Variants in SYT1 observed in about 807,000 individuals in gnomAD.
SYT1 encodes the protein synaptotagmin 1.
In SYT1, 8 loss-of-function variants were observed where a neutral mutation model predicts 44.8. That is an observed-to-expected ratio of 0.18 (90% CI 0.10 to 0.32). SYT1 has a LOEUF of 0.32. Ranked by LOEUF, SYT1 falls within the 10% of genes least tolerant of loss-of-function variation. The probability of loss-of-function intolerance (pLI) is 1.00; values close to 1 mark genes in which losing one functional copy is unlikely to be tolerated. For synonymous variants in SYT1, 154 were observed against 188.8 expected (o/e 0.82, Z 1.51); for missense variants, 286 against 509.3 (o/e 0.56, Z 4.22).
intron 1 of SYT1, among the ~76,000 whole-genome samples, chr12:78,865,392 A>C (rs924453421): frequency 1.3e-5 from 2 of 150,072 alleles, no homozygotes; most frequent in Non-Finnish European, 1.5e-5. Context: ...TCCGTCCCCC[A>C]CCCCCAATCT....
chr12:78,885,355 C>T (rs1036480454), intron 1 of SYT1, among the ~76,000 whole-genome samples: 25 of 57,226 alleles, frequency 4.4e-4, no homozygotes, highest in Non-Finnish European at 6.6e-4. Flanking sequence ...AAGGAAGGAA[C>T]GAAGGAAGGA....
In SYT1 at chr12:79,245,880, C is replaced by CT. The variant is rs973779565; in HGVS notation, c.166+28206dup. Among the ~76,000 whole-genome samples the CT allele has an allele frequency of 1.9e-3, 279 of 146,338 alleles. 1 individual carries two copies. The highest frequency in any genetic ancestry group is 2.6e-3 in the Non-Finnish European group (172 of 66,164). On this transcript the variant is annotated intron_variant, in intron 4 of 10. Transcript: ENST00000261205. ...AAGAATATATAACAGTAGACTAACA[C>CT]TTTTTTTTTTTCAGGAAAGGGAACC...
At chr12:78,928,115 A>G (rs1877406339) in intron 1 of SYT1, among the ~76,000 whole-genome samples, 2 of 152,170 alleles carry the variant, frequency 1.3e-5, no homozygotes, top group African/African-American at 2.4e-5. Flanking sequence ...AAAAGTTTTG[A>G]GTATTTTTCC....
intron 1 of SYT1, among the ~76,000 whole-genome samples, chr12:78,900,801 T>C (rs1285851281): frequency 1.3e-5 from 2 of 152,150 alleles, no homozygotes; most frequent in Non-Finnish European, 2.9e-5. Flanking sequence ...AGCTGTTCTA[T>C]ACTTTTTATA....
At chr12:79,132,674 CAAAAAAA>C (rs71091641) in intron 3 of SYT1, among the ~76,000 whole-genome samples, 66 of 43,740 alleles carry the variant, frequency 1.5e-3, no homozygotes, top group Middle Eastern at 0.024. Context: ...GGAGTTTTCT[CAAAAAAA>C]AAAAAAAAAA....
chr12:79,047,695 C>T (rs1384544172), intron 3 of SYT1, among the ~76,000 whole-genome samples: 1 of 151,696 alleles, frequency 6.6e-6, no homozygotes, highest in Non-Finnish European at 1.5e-5. Flanking sequence ...CTCATTTTCT[C>T]CATATGTGAT....
rs181810237 is a variant in SYT1 at position 79,241,233 on chromosome 12, G to A, written c.166+23548G>A. Among the ~76,000 whole-genome samples the A allele has an allele frequency of 8.7e-4, 131 of 150,668 alleles. 2 individuals are homozygous for A. The highest frequency in any genetic ancestry group is 1.6e-3 in the Non-Finnish European group (110 of 67,796). ...CTGAGATTCTAGAAAAAAGCGATTC[G>A]TTTACTGAGGAATGATTTGCACTGG... On this transcript the variant is annotated intron_variant, in intron 4 of 10. Transcript: ENST00000261205.
intron 3 of SYT1, among the ~76,000 whole-genome samples, chr12:79,111,138 T>C (rs570939565): frequency 2.6e-5 from 4 of 152,150 alleles, no homozygotes; most frequent in Admixed American, 2.6e-4. Flanking sequence ...CTAGCTACAA[T>C]GAAAGGAGAA....
At chr12:79,406,033 G>C (rs560665509) in intron 9 of SYT1, among the ~76,000 whole-genome samples, 13 of 152,204 alleles carry the variant, frequency 8.5e-5, no homozygotes, top group African/African-American at 3.1e-4. Context: ...TGACAGGAAA[G>C]TAATGGTTTA....
At chr12:79,145,378 T>C (rs1448392635) in intron 3 of SYT1, among the ~76,000 whole-genome samples, 1 of 152,158 alleles carries the variant, frequency 6.6e-6, no homozygotes, top group Non-Finnish European at 1.5e-5. Context: ...ATTTTAAAGA[T>C]CATAATCTTC....
At chr12:78,937,385 AG>A (rs1176707184) in intron 1 of SYT1, among the ~76,000 whole-genome samples, 1 of 152,140 alleles carries the variant, frequency 6.6e-6, no homozygotes, top group Non-Finnish European at 1.5e-5. Context: ...CTATAAGTTG[AG>A]TAGAAATTAA....
chr12:78,873,795 C>G (rs977442162), intron 1 of SYT1, among the ~76,000 whole-genome samples: 14 of 151,570 alleles, frequency 9.2e-5, no homozygotes, highest in African/African-American at 3.1e-4. Context: ...ACATTCTGCT[C>G]TAAGTGAACA....
chr12:79,420,311 C>T (rs1349150599), intron 9 of SYT1, among the ~76,000 whole-genome samples: 1 of 152,118 alleles, frequency 6.6e-6, no homozygotes, highest in Non-Finnish European at 1.5e-5. Flanking sequence ...TTTAAATGTT[C>T]AGCCAATTTT....
At chr12:78,960,876 T>C (rs1407398388) in intron 1 of SYT1, among the ~76,000 whole-genome samples, 1 of 152,194 alleles carries the variant, frequency 6.6e-6, no homozygotes, top group Non-Finnish European at 1.5e-5. Context: ...TGTGTTCACA[T>C]GTTAGCACTT....
chr12:79,448,888 G>T, intron 10 of SYT1, 30 bp from the exon 11 acceptor site: 1 of 1,607,544 alleles, frequency 6.2e-7, no homozygotes, highest in South Asian at 1.1e-5. Flanking sequence ...AGAGCTAGAT[G>T]ATTCATATTC....
rs991645244 is a variant in SYT1 at position 78,867,439 on chromosome 12, T to C, written c.-217+2330T>C. ...TTGGAAATCAGAACTAATTCCAATA[T>C]ATAGTGAGTGGATTGGGGAGAGACC... On this transcript the variant is annotated intron_variant, in intron 1 of 10. Coordinates refer to ENST00000261205, the MANE Select transcript of SYT1 (RefSeq NM_005639.3). 4.6e-5 allele frequency among the ~76,000 whole-genome samples: 7 copies of C among 152,168 alleles called. No homozygotes were observed. In the East Asian group the frequency reaches 9.6e-4, roughly 21 times the overall value.
intron 8 of SYT1, among the ~76,000 whole-genome samples, chr12:79,349,027 G>GA: frequency 2.3e-5 from 2 of 85,586 alleles, no homozygotes; most frequent in African/African-American, 4.4e-5. Flanking sequence ...AAGAAAGAAA[G>GA]AAAGAAAAAG....
chr12:78,944,098 C>T (rs1878527352), intron 1 of SYT1, among the ~76,000 whole-genome samples: 1 of 151,572 alleles, frequency 6.6e-6, no homozygotes, highest in Admixed American at 6.6e-5. Context: ...TTAGTTTATT[C>T]TTATAAAGAT....
At chr12:79,120,144 T>A (rs998162692) in intron 3 of SYT1, among the ~76,000 whole-genome samples, 13 of 152,072 alleles carry the variant, frequency 8.5e-5, no homozygotes, top group East Asian at 5.8e-4. Flanking sequence ...TAGGAAAAAA[T>A]ATATATATAT....
Sources: gnomAD v4.1 joint callset for allele counts (sites outside exome capture counted in the v4.1 genomes callset) on GRCh38, gnomAD v4.1.1 for gene constraint, MANE v1.5 for transcripts, NCBI Gene and HGNC (gene_info 2026-07-23, HGNC 2026-07-21) for gene names.